ADGRB1: variants seen among roughly 807,000 people sequenced by gnomAD.
The protein encoded by ADGRB1 is adhesion G protein-coupled receptor B1.
In ADGRB1, 36 loss-of-function variants were observed where a neutral mutation model predicts 175.7. The ratio of observed to expected loss-of-function variants is 0.20; its 90% CI spans 0.16 to 0.27. ADGRB1 has a LOEUF of 0.27. Ranked by LOEUF, ADGRB1 falls within the 10% of genes least tolerant of loss-of-function variation. The probability of loss-of-function intolerance (pLI) is 1.00; values close to 1 mark genes in which losing one functional copy is unlikely to be tolerated. For missense variants in ADGRB1, 1,731 were observed against 2,255.3 expected (o/e 0.77, Z 4.71); for synonymous variants, 1,054 against 979.4 (o/e 1.08, Z -1.42).
In ADGRB1 at chr8:142,510,473, C is replaced by A. The variant is rs1463093173; in HGVS notation, c.2676-459C>A. The stretch of plus-strand genomic sequence containing the variant: ...GGACCCTCGCCGCGCTCCGAACCCG[C>A]CCCGCGCCCCCAGGCCACACCCGGC... On this transcript the variant is annotated intron_variant, in intron 17 of 30. Transcript: ENST00000517894. This position sits in a 1 kb window ranked among gnomAD's most constrained non-coding sequence, Gnocchi z 6.3. Among the ~76,000 whole-genome samples the A allele has an allele frequency of 6.6e-6, 1 of 151,322 alleles. No individual in the cohort carries two copies. The highest frequency in any genetic ancestry group is 1.5e-5 in the Non-Finnish European group (1 of 67,750).
intron 25 of ADGRB1, among the ~76,000 whole-genome samples, chr8:142,536,351 AG>A (rs1844922984): frequency 1.3e-5 from 2 of 152,128 alleles, no homozygotes; most frequent in African/African-American, 4.8e-5. Flanking sequence ...CTGGATATCC[AG>A]TCTTTACCTC....
chr8:142,524,742 C>T (rs191291346), intron 23 of ADGRB1, among the ~76,000 whole-genome samples: 2 of 152,230 alleles, frequency 1.3e-5, no homozygotes, highest in Non-Finnish European at 2.9e-5. Flanking sequence ...TCGGGGGCCC[C>T]GGTGAGGACC....
At chr8:142,463,505 C>G (rs898082286) in intron 1 of ADGRB1, among the ~76,000 whole-genome samples, 1 of 152,252 alleles carries the variant, frequency 6.6e-6, no homozygotes, top group Non-Finnish European at 1.5e-5. Flanking sequence ...TTTGCAGAAT[C>G]TTCCTGGGAA....
At chr8:142,476,526 CAGAG>C in intron 3 of ADGRB1, 55 bp from the exon 4 acceptor site, 1 of 1,475,288 alleles carries the variant, frequency 6.8e-7, no homozygotes, top group Non-Finnish European at 9.2e-7. Flanking sequence ...ACTGTGGCCA[CAGAG>C]AGAGAGGACG....
In ADGRB1 at chr8:142,543,843, C is replaced by CTCAGGGATGGGCGA; in HGVS notation, c.4557+135_4557+136insTCAGGGATGGGCGA. 1.0e-6 allele frequency: 1 copy of CTCAGGGATGGGCGA among 963,330 alleles called. No homozygotes were observed. 59.7% of individuals were successfully genotyped at this position (963,330 alleles called of 1,614,324 possible). A position where few individuals can be genotyped will look rare whatever the true frequency, so the allele number is the denominator to read the frequency against. The stretch of plus-strand genomic sequence containing the variant: ...TCGTTCATTCATTCATTCATTCGCC[C>CTCAGGGATGGGCGA]ATCCCTGAGGGCTGGCCTGACCCTG... On this transcript the variant is annotated intron_variant, in intron 30 of 30. Transcript: ENST00000517894. This position sits in a 1 kb window ranked among gnomAD's most constrained non-coding sequence, Gnocchi z 4.4.
chr8:142,503,624 G>A (rs1842729663), intron 17 of ADGRB1, among the ~76,000 whole-genome samples: 1 of 152,106 alleles, frequency 6.6e-6, no homozygotes, highest in Non-Finnish European at 1.5e-5. Context: ...CTGGGGAGGG[G>A]CAGCAGGTGC....
intron 18 of ADGRB1, among the ~76,000 whole-genome samples, chr8:142,516,033 C>T (rs914080750): frequency 1.2e-4 from 18 of 152,230 alleles, no homozygotes; most frequent in Admixed American, 8.5e-4. Flanking sequence ...GAAGAGAAGG[C>T]GACTCTTGTT....
At chr8:142,509,365 A>G (rs1842970799) in intron 17 of ADGRB1, among the ~76,000 whole-genome samples, 1 of 152,198 alleles carries the variant, frequency 6.6e-6, no homozygotes, top group Non-Finnish European at 1.5e-5. Context: ...CCAAGGTCAC[A>G]TAGCTAGGAT....
At chr8:142,533,079 C>T (rs755103706) in intron 24 of ADGRB1, among the ~76,000 whole-genome samples, 4 of 151,998 alleles carry the variant, frequency 2.6e-5, no homozygotes, top group Admixed American at 2.6e-4. Context: ...TTGGGGGAGT[C>T]CTGGGGAGGA....
At chr8:142,481,753 G>A in intron 11 of ADGRB1, 42 bp downstream of exon 11, 1 of 1,466,374 alleles carries the variant, frequency 6.8e-7, no homozygotes, top group Non-Finnish European at 9.1e-7. Flanking sequence ...GTGTCGGGAA[G>A]GTGTCTGGGG....
At chr8:142,460,195 C>T (rs1381464801) in intron 1 of ADGRB1, among the ~76,000 whole-genome samples, 4 of 152,066 alleles carry the variant, frequency 2.6e-5, no homozygotes, top group African/African-American at 7.2e-5. Context: ...TGGAGGGTGG[C>T]GGGCAGGTGG....
chr8:142,462,531 C>T (rs1430896550), intron 1 of ADGRB1, among the ~76,000 whole-genome samples: 8 of 152,242 alleles, frequency 5.3e-5, no homozygotes, highest in Non-Finnish European at 8.8e-5. Flanking sequence ...GGCCAGACCT[C>T]GAGGCTGCCT....
rs542792369 is a variant in ADGRB1, at chr8:142,469,331, A to G, written c.784+4349A>G. Among the ~76,000 whole-genome samples, 9 of 148,570 alleles carry G rather than the reference A, an allele frequency of 6.1e-5. No individual in the cohort carries two copies. The South Asian group carries it at 1.5e-3, about 25-fold the overall frequency. ...TGTGAATGTAAATGTGTGCACATGC[A>G]TGTGTGTGAATGTGGGAGTGTCTAT... On this transcript the variant is annotated intron_variant, in intron 2 of 30. Coordinates refer to ENST00000517894, the MANE Select transcript of ADGRB1 (RefSeq NM_001702.3).
At chr8:142,497,227 GC>G (rs1842260045) in intron 17 of ADGRB1, among the ~76,000 whole-genome samples, 1 of 152,222 alleles carries the variant, frequency 6.6e-6, no homozygotes, top group Admixed American at 6.5e-5. Context: ...CTCCTGTGGG[GC>G]CCCTGTCAGG....
chr8:142,505,731 A>G (rs1842817519), intron 17 of ADGRB1, among the ~76,000 whole-genome samples: 1 of 152,200 alleles, frequency 6.6e-6, no homozygotes, highest in Non-Finnish European at 1.5e-5. Context: ...GCTGAGGGCC[A>G]TGCGGCCTGA....
chr8:142,485,176 G>A (rs370951558), intron 13 of ADGRB1, among the ~76,000 whole-genome samples: 52 of 152,344 alleles, frequency 3.4e-4, no homozygotes, highest in South Asian at 1.0e-3. Context: ...GGTGTCAGCC[G>A]AGTCTTAGTT....
At position 142,521,150 on chromosome 8, in the gene ADGRB1, G is replaced by T. The variant is rs571122634; in HGVS notation, c.3024+225G>T. On this transcript the variant is annotated intron_variant, in intron 20 of 30. Transcript: ENST00000517894. ...CAAGAAGGGCAGCTTGTGTTCCAGTGTCTCTGCTGGACTTGCCCTTCAGGA... is the reference window on the plus strand; with the variant it reads ...CAAGAAGGGCAGCTTGTGTTCCAGTTTCTCTGCTGGACTTGCCCTTCAGGA... 2.0e-5 allele frequency among the ~76,000 whole-genome samples: 3 copies of T among 152,314 alleles called. No individual in the cohort carries two copies. In the South Asian group the frequency reaches 6.2e-4, roughly 32 times the overall value.
At chr8:142,494,065 G>A (rs560956507) in intron 17 of ADGRB1, among the ~76,000 whole-genome samples, 1 of 152,198 alleles carries the variant, frequency 6.6e-6, no homozygotes, top group African/African-American at 2.4e-5. Flanking sequence ...GAGGGGTTCT[G>A]TGTGTGAGGA....
intron 2 of ADGRB1, among the ~76,000 whole-genome samples, chr8:142,466,805 G>A (rs1176994070): frequency 1.3e-5 from 2 of 152,174 alleles, no homozygotes; most frequent in Non-Finnish European, 2.9e-5. Flanking sequence ...ACTGGGCCCA[G>A]CGGTCACAGG....
Sources: allele counts gnomAD v4.1 joint callset (sites outside exome capture counted in the v4.1 genomes callset), GRCh38; gene constraint gnomAD v4.1.1; non-coding constraint Gnocchi (gnomAD v3.1); transcripts MANE v1.5; gene names NCBI Gene and HGNC (gene_info 2026-07-23, HGNC 2026-07-21).